RCC1: variants seen among roughly 807,000 people sequenced by gnomAD.
RCC1 encodes regulator of chromosome condensation.
RCC1 carries 11 observed loss-of-function variants against 44.4 expected under a neutral mutation model. The ratio of observed to expected loss-of-function variants is 0.25; its 90% CI spans 0.16 to 0.41. The LOEUF (loss-of-function observed/expected upper bound fraction) is 0.41, where lower values mean the gene tolerates loss of function less well. RCC1 is among the 10% of genes least tolerant of loss of function. RCC1 has a pLI of 1.00. For synonymous variants in RCC1, 213 were observed against 216.5 expected (o/e 0.98, Z 0.14); for missense variants, 386 against 547.1 (o/e 0.71, Z 2.94).
chr1:28,512,829 C>T (rs1045368109), intron 3 of RCC1, among the ~76,000 whole-genome samples: 7 of 151,844 alleles, frequency 4.6e-5, no homozygotes, highest in African/African-American at 1.2e-4. Context: ...TTGGAGACTG[C>T]GTCTCCAAAG....
At chr1:28,525,812 A>G (rs1170236052) in intron 4 of RCC1, among the ~76,000 whole-genome samples, 3 of 152,104 alleles carry the variant, frequency 2.0e-5, no homozygotes, top group Non-Finnish European at 4.4e-5. Context: ...TTGTGTCCAT[A>G]TACCATGGAG....
intron 4 of RCC1, 112 bp downstream of exon 4, chr1:28,516,979 G>A (rs1662933179): frequency 2.4e-6 from 1 of 413,396 alleles, no homozygotes; most frequent in Non-Finnish European, 4.8e-6. Context: ...AAATTAGCCA[G>A]GCTTTGTGGC....
chr1:28,526,922 T>G lies in RCC1; in HGVS notation c.-9-2936T>G, dbSNP rs1663704219. 3.9e-6 allele frequency: 3 copies of G among 772,038 alleles called. No individual in the cohort carries two copies. In the Admixed American group the frequency reaches 6.7e-5, roughly 17 times the overall value. The allele number at this position is 772,038 out of a possible 1,614,324, so 47.8% of individuals were successfully genotyped here. On this transcript the variant is annotated intron_variant, in intron 4 of 12. Coordinates refer to ENST00000683442, the MANE Select transcript of RCC1 (RefSeq NM_001381865.2). Reference sequence around the variant, plus strand: ...GGAAAAAAAAAAAAAAAGAAAGAAATCCAAAGGATAGAAGAAAAGCACCAA... The same window carrying G: ...GGAAAAAAAAAAAAAAAGAAAGAAAGCCAAAGGATAGAAGAAAAGCACCAA...
intron 12 of RCC1, among the ~76,000 whole-genome samples, chr1:28,537,273 T>G (rs1664611513): frequency 6.6e-6 from 1 of 151,996 alleles, no homozygotes; most frequent in African/African-American, 2.4e-5. Flanking sequence ...GACTTTTACT[T>G]AGAATCTAAA....
At chr1:28,507,135 A>C in intron 1 of RCC1, 1 of 268,136 alleles carries the variant, frequency 3.7e-6, no homozygotes, top group Non-Finnish European at 7.6e-6. Flanking sequence ...AGCTGGGCCT[A>C]ATTGTTGTCT....
intron 7 of RCC1, among the ~76,000 whole-genome samples, chr1:28,533,825 T>TTTTTCTTTTCTTTTC (rs1557879700): frequency 2.3e-5 from 3 of 129,390 alleles, no homozygotes; most frequent in African/African-American, 8.7e-5. Context: ...GAATTATATT[T>TTTTTCTTTTCTTTTC]TTTTCTTTTC....
intron 3 of RCC1, among the ~76,000 whole-genome samples, chr1:28,511,955 C>G (rs938785350): frequency 6.7e-6 from 1 of 149,706 alleles, no homozygotes; most frequent in Non-Finnish European, 1.5e-5. Context: ...TAAGCCACTG[C>G]GCCTAGCCTC....
In RCC1 at chr1:28,516,798, G is replaced by C; in HGVS notation, c.-79G>C. On this transcript the variant is annotated 5_prime_UTR_variant, in exon 4 of 13. Transcript: ENST00000683442. ...GAGATCAGAGATCCCAGGGTTAAAAGTTGGAGAAATTTCACAGTACATCAT... is the reference window on the plus strand; with the variant it reads ...GAGATCAGAGATCCCAGGGTTAAAACTTGGAGAAATTTCACAGTACATCAT... 1 of 456,476 alleles carries C rather than the reference G, an allele frequency of 2.2e-6. No homozygotes were observed. The allele number at this position is 456,476 out of a possible 1,614,324, so 28.3% of individuals were successfully genotyped here.
intron 7 of RCC1, chr1:28,532,702 T>A (rs1230079561): frequency 6.2e-6 from 3 of 485,192 alleles, no homozygotes; most frequent in Non-Finnish European, 1.2e-5. Context: ...TCCCAGAGGC[T>A]TGGATGGGGC....
intron 7 of RCC1, among the ~76,000 whole-genome samples, chr1:28,534,372 G>A (rs1259276322): frequency 6.6e-6 from 1 of 152,056 alleles, no homozygotes; most frequent in African/African-American, 2.4e-5. Context: ...TGGTAGAGAC[G>A]GCATTTCACC....
In RCC1 at chr1:28,538,259, T is replaced by C. The variant is rs369549397; in HGVS notation, c.*252T>C. 8.3e-6 allele frequency: 3 copies of C among 359,336 alleles called. No individual in the cohort carries two copies. The highest frequency in any genetic ancestry group is 1.5e-5 in the Non-Finnish European group (3 of 198,494). The allele number at this position is 359,336 out of a possible 1,614,324, so 22.3% of individuals were successfully genotyped here. On this transcript the variant is annotated 3_prime_UTR_variant, in exon 13 of 13. Transcript: ENST00000683442. Reference sequence around the variant, plus strand: ...AAGGAACATGGCTCACTCAGAGCTATATGGTTAGACGTTTCTCCCCTTTTC... The same window carrying C: ...AAGGAACATGGCTCACTCAGAGCTACATGGTTAGACGTTTCTCCCCTTTTC...
chr1:28,525,441 G>T (rs1347465066), intron 4 of RCC1, among the ~76,000 whole-genome samples: 1 of 152,182 alleles, frequency 6.6e-6, no homozygotes, highest in African/African-American at 2.4e-5. Context: ...CTTGATGACA[G>T]CCCTGAGAAG....
intron 5 of RCC1, 47 bp downstream of exon 5, chr1:28,529,986 C>T (rs765511938): frequency 1.4e-6 from 2 of 1,468,314 alleles, no homozygotes; most frequent in Admixed American, 3.6e-5. Context: ...CCCCTTGAAA[C>T]CCTAAGAACC....
At chr1:28,520,106 G>A (rs1020370607) in intron 4 of RCC1, among the ~76,000 whole-genome samples, 11 of 152,188 alleles carry the variant, frequency 7.2e-5, no homozygotes, top group Non-Finnish European at 4.4e-5. Context: ...GGGGATCCCA[G>A]GTGAGAAACT....
rs1664531730 is a variant in RCC1 at position 28,535,969 on chromosome 1, G to A, written c.760G>A (p.Ala254Thr). 6.2e-7 allele frequency: 1 copy of A among 1,613,980 alleles called. No individual in the cohort carries two copies. Among genetic ancestry groups the A allele is most frequent in the Non-Finnish European group, 8.5e-7 (1 of 1,180,032 alleles). ...DAFCGAYFTF[A>T]ISHEGHVYGF... ...CTTTTGTGGTGCCTATTTCACCTTT[G>A]CCATCTCCCATGAGGGCCACGTGTA... The change falls in exon 10 of 13, where the codon GCC becomes ACC. Residue 254 changes from alanine (A) to threonine (T), a missense_variant. By Grantham distance (58) the Ala-to-Thr change is moderately conservative (BLOSUM62 0). Transcript: ENST00000683442.
At chr1:28,537,752 C>A in intron 12 of RCC1, 80 bp from the exon 13 acceptor site, 4 of 1,437,388 alleles carry the variant, frequency 2.8e-6, no homozygotes, top group Non-Finnish European at 3.8e-6. Context: ...CAGTCCACGC[C>A]CATGTCCCAG....
chr1:28,506,283 C>A (rs978761121), intron 1 of RCC1, 199 bp downstream of exon 1: 40 of 445,288 alleles, frequency 9.0e-5, no homozygotes, highest in Non-Finnish European at 1.8e-4. Flanking sequence ...CTGCCGGGTT[C>A]AAGCGATTCT....
At chr1:28,533,770 CAAAAAAAAAAAAAAAA>C (rs747565890) in intron 7 of RCC1, among the ~76,000 whole-genome samples, 1 of 31,972 alleles carries the variant, frequency 3.1e-5, no homozygotes, top group Non-Finnish European at 5.4e-5. Flanking sequence ...AACTCTGTCT[CAAAAAAAAAAAAAAAA>C]AAAAAAAAAG....
chr1:28,532,407 GC>G, intron 7 of RCC1, 57 bp downstream of exon 7: 1 of 1,586,562 alleles, frequency 6.3e-7, no homozygotes. Context: ...AATTGGCGGG[GC>G]CCCAAAGATA....
Sources: allele counts gnomAD v4.1 joint callset (sites outside exome capture counted in the v4.1 genomes callset), GRCh38; gene constraint gnomAD v4.1.1; transcripts MANE v1.5; gene names NCBI Gene and HGNC (gene_info 2026-07-23, HGNC 2026-07-21).